The following MARCO variants were observed in gnomAD, a reference collection of about 807,000 sequenced individuals.
The protein encoded by MARCO is macrophage receptor MARCO.
In MARCO, 72 loss-of-function variants were observed where a neutral mutation model predicts 70.0. The ratio of observed to expected loss-of-function variants is 1.03; its 90% CI spans 0.85 to 1.25. The LOEUF is 1.25. Ranked by LOEUF, MARCO falls within the 50% of genes most tolerant of loss-of-function variation. The pLI is 0.00. For synonymous variants in MARCO, 273 were observed against 243.1 expected (o/e 1.12, Z -1.14); for missense variants, 696 against 659.3 (o/e 1.06, Z -0.61).
intron 12 of MARCO, among the ~76,000 whole-genome samples, chr2:118,990,273 G>A (rs909813088): frequency 5.3e-5 from 8 of 152,156 alleles, no homozygotes; most frequent in African/African-American, 1.9e-4. Flanking sequence ...AAATGCAACA[G>A]CAGGGAATGG....
intron 1 of MARCO, among the ~76,000 whole-genome samples, chr2:118,946,332 C>T (rs1412131696): frequency 6.6e-6 from 1 of 152,164 alleles, no homozygotes; most frequent in African/African-American, 2.4e-5. Context: ...CTCACTCCCC[C>T]ACCAGCAGTC....
At chr2:118,947,689 A>G (rs1309311188) in intron 1 of MARCO, among the ~76,000 whole-genome samples, 1 of 152,106 alleles carries the variant, frequency 6.6e-6, no homozygotes. Flanking sequence ...TATTCCAGTG[A>G]TCTATGTGAC....
chr2:118,982,331 T>C lies in MARCO; in HGVS notation c.1001-17T>C, dbSNP rs1362687965. 1.9e-6 allele frequency: 3 copies of C among 1,613,686 alleles called. No individual in the cohort carries two copies. Among genetic ancestry groups the C allele is most frequent in the Middle Eastern group, 3.3e-4 (2 of 6,058 alleles). ...CCTAGTCCAGCCCTTATGCTCTCTGTGGTGTCTGTTGTCCAGGACTTCCAG... is the reference window on the plus strand; with the variant it reads ...CCTAGTCCAGCCCTTATGCTCTCTGCGGTGTCTGTTGTCCAGGACTTCCAG... On this transcript the variant is annotated splice_polypyrimidine_tract_variant and intron_variant, in intron 11 of 16. Transcript: ENST00000327097.
chr2:118,977,833 C>T lies in MARCO; in HGVS notation c.664C>T (p.Pro222Ser). The part of the protein sequence containing the change: ...APGKQGATGT[P>S]GPQGEKGSKG... ...ACCAGCCATTCTCTTTGCAGGCACC[C>T]CAGGACCCCAAGGAGAGAAGGGCAG... is the stretch of plus-strand genomic sequence containing the variant. The change falls in exon 8 of 17, where the codon CCA (proline) becomes TCA (serine). Residue 222 changes from proline to serine, a missense_variant. Physicochemically the swap from Pro to Ser is moderately conservative, Grantham distance 74 (BLOSUM62 -1). Around this residue, in one of 3 missense-constraint regions of MARCO, gnomAD observed 605 missense variants for 537.6 expected, o/e 1.13. Coordinates refer to ENST00000327097, the MANE Select transcript of MARCO (RefSeq NM_006770.4). 6.2e-7 allele frequency: 1 copy of T among 1,611,228 alleles called. No homozygotes were observed.
chr2:118,975,204 A>T (rs1188676382), intron 6 of MARCO, among the ~76,000 whole-genome samples: 3 of 152,166 alleles, frequency 2.0e-5, no homozygotes, highest in Non-Finnish European at 4.4e-5. Context: ...CTCCCCAGGG[A>T]CAAACCCAAA....
At chr2:118,975,215 C>A (rs2104586354) in intron 6 of MARCO, among the ~76,000 whole-genome samples, 1 of 152,292 alleles carries the variant, frequency 6.6e-6, no homozygotes, top group Non-Finnish European at 1.5e-5. Flanking sequence ...CAAACCCAAA[C>A]ATCAGTTTTC....
intron 12 of MARCO, among the ~76,000 whole-genome samples, chr2:118,986,576 G>GGAAGGAAGGAAGGAA (rs1192329700): frequency 2.7e-4 from 19 of 70,246 alleles, no homozygotes; most frequent in African/African-American, 1.1e-3. Flanking sequence ...GAGGGAGGGA[G>GGAAGGAAGGAAGGAA]GGAAGGAAAG....
At chr2:118,971,124 G>A (rs944951621) in intron 3 of MARCO, among the ~76,000 whole-genome samples, 6 of 152,150 alleles carry the variant, frequency 3.9e-5, no homozygotes, top group African/African-American at 9.7e-5. Context: ...AGGAGTCCAC[G>A]TTCAGACACA....
intron 8 of MARCO, 43 bp downstream of exon 8, chr2:118,977,978 G>C (rs1680319327): frequency 7.4e-7 from 1 of 1,357,386 alleles, no homozygotes; most frequent in African/African-American, 1.4e-5. Context: ...CAGGAGGCCT[G>C]AGGGAACTAG....
chr2:118,972,255 C>T (rs148118635), intron 4 of MARCO, among the ~76,000 whole-genome samples: 38 of 152,346 alleles, frequency 2.5e-4, no homozygotes, highest in African/African-American at 6.3e-4. Flanking sequence ...GTTACACACA[C>T]GCTTCACTCA....
chr2:118,981,349 G>A, intron 8 of MARCO, 60 bp from the exon 9 acceptor site: 1 of 1,062,184 alleles, frequency 9.4e-7, no homozygotes, highest in South Asian at 1.4e-5. Context: ...TGTCAGAGGA[G>A]GACATGGTGG....
At chr2:118,954,551 C>T (rs1476126371) in intron 1 of MARCO, among the ~76,000 whole-genome samples, 1 of 152,148 alleles carries the variant, frequency 6.6e-6, no homozygotes, top group African/African-American at 2.4e-5. Flanking sequence ...ACTGCCAGTC[C>T]CCCTCCACAC....
At chr2:118,990,850 CAGGGGCTGAGGATGGCAA>C (rs371961133) in intron 13 of MARCO, among the ~76,000 whole-genome samples, 3,841 of 152,058 alleles carry the variant, frequency 0.025, 155 homozygotes, top group African/African-American at 0.085. Flanking sequence ...GCGTATGGGG[CAGGGGCTGAGGATGGCAA>C]AGGGGCTGAG....
intron 12 of MARCO, among the ~76,000 whole-genome samples, chr2:118,986,457 C>T (rs900300249): frequency 4.7e-5 from 7 of 149,850 alleles, no homozygotes; most frequent in Admixed American, 2.0e-4. Context: ...GAATTTGAGC[C>T]TGCAGTGAGC....
chr2:118,984,189 A>G (rs142221932), intron 12 of MARCO, among the ~76,000 whole-genome samples: 3 of 152,076 alleles, frequency 2.0e-5, no homozygotes, highest in African/African-American at 7.2e-5. Flanking sequence ...GATGAGTGAC[A>G]CCTCCTCCCT....
chr2:118,986,726 GAAAGAAAGAAAGA>G lies in MARCO; in HGVS notation c.1064-3862_1064-3850del, dbSNP rs1680522273. ...GAAAGAAAGAAAGAAAGAAAGAAAA[GAAAGAAAGAAAGA>G]GAAAGAAAGAGAAAGAAAGAAGAAA... On this transcript the variant is annotated intron_variant, in intron 12 of 16. Coordinates refer to ENST00000327097, the MANE Select transcript of MARCO (RefSeq NM_006770.4). 1.6e-4 allele frequency among the ~76,000 whole-genome samples: 17 copies of G among 107,814 alleles called. 1 individual carries two copies. Among genetic ancestry groups the G allele is most frequent in the African/African-American group, 6.9e-4 (15 of 21,862 alleles). 70.7% of individuals were successfully genotyped at this position (107,814 alleles called of 152,430 possible). A position where few individuals can be genotyped will look rare whatever the true frequency, so the allele number is the denominator to read the frequency against.
chr2:118,983,442 G>A (rs1034484059), intron 12 of MARCO, among the ~76,000 whole-genome samples: 10 of 152,100 alleles, frequency 6.6e-5, no homozygotes, highest in Non-Finnish European at 8.8e-5. Context: ...GAAAGCTGTC[G>A]GGAGCCATGG....
chr2:118,969,299 G>A lies in MARCO; in HGVS notation c.199+38G>A, dbSNP rs556040666. On this transcript the variant is annotated intron_variant, in intron 2 of 16. Coordinates refer to ENST00000327097, the MANE Select transcript of MARCO (RefSeq NM_006770.4). ...TGGTCCTGTGTAGTCCCTCCTGGGGGGAGAGGGGTGACCCAGCTGGGCCCC... is the reference window on the plus strand; with the variant it reads ...TGGTCCTGTGTAGTCCCTCCTGGGGAGAGAGGGGTGACCCAGCTGGGCCCC... 12 of 1,555,526 alleles carry A rather than the reference G, an allele frequency of 7.7e-6. No homozygotes were observed. In the African/African-American group the frequency reaches 1.4e-4, roughly 18 times the overall value.
At chr2:118,979,730 C>A (rs910306032) in intron 8 of MARCO, among the ~76,000 whole-genome samples, 1 of 152,220 alleles carries the variant, frequency 6.6e-6, no homozygotes, top group African/African-American at 2.4e-5. Context: ...CACCCCTCCT[C>A]TTCCCAAATT....
Sources: allele counts gnomAD v4.1 joint callset (sites outside exome capture counted in the v4.1 genomes callset), GRCh38; gene constraint gnomAD v4.1.1; regional missense constraint gnomAD v4.1.1; transcripts MANE v1.5; gene names NCBI Gene and HGNC (gene_info 2026-07-23, HGNC 2026-07-21).